The following ERCC2 variants were observed in gnomAD, a reference collection of about 807,000 sequenced individuals.
ERCC2 encodes general transcription and DNA repair factor IIH helicase subunit XPD.
A neutral mutation model predicts 99.4 loss-of-function variants in ERCC2; 90 were observed. That is an observed-to-expected ratio of 0.91 (90% CI 0.76 to 1.08). ERCC2 has a LOEUF of 1.08. Ranked by LOEUF, ERCC2 falls within the 50% of genes least tolerant of loss-of-function variation. The probability of loss-of-function intolerance (pLI) is 0.00; values close to 1 mark genes in which losing one functional copy is unlikely to be tolerated. For missense variants in ERCC2, 993 were observed against 1,038.1 expected (o/e 0.96, Z 0.60); for synonymous variants, 497 against 432.4 (o/e 1.15, Z -1.85).
At chr19:45,354,679 A>T in intron 17 of ERCC2, 51 bp downstream of exon 17, 1 of 1,609,772 alleles carries the variant, frequency 6.2e-7, no homozygotes. Flanking sequence ...ATAGCGGTGC[A>T]GTGCCAGGGA....
chr19:45,362,098 G>A (rs1972244740), intron 11 of ERCC2, among the ~76,000 whole-genome samples: 3 of 151,996 alleles, frequency 2.0e-5, no homozygotes, highest in South Asian at 4.1e-4. Context: ...GCTAATTTTT[G>A]TACTTTTAGT....
chr19:45,369,030 C>A (rs755415605), intron 3 of ERCC2, 38 bp from the exon 4 acceptor site: 1 of 1,614,050 alleles, frequency 6.2e-7, no homozygotes, highest in South Asian at 1.1e-5. Context: ...TGTCCCGCCC[C>A]TTCCTTTGTC....
intron 12 of ERCC2, among the ~76,000 whole-genome samples, chr19:45,359,244 T>C (rs893050716): frequency 1.3e-5 from 2 of 152,008 alleles, no homozygotes; most frequent in Non-Finnish European, 2.9e-5. Context: ...GGAAGGATGA[T>C]CCAGGTGAAA....
rs746621981 is a variant in ERCC2, at chr19:45,365,145, C to T, written c.374G>A (p.Arg125His). 1.7e-5 allele frequency: 28 copies of T among 1,614,002 alleles called. No homozygotes were observed. The highest frequency in any genetic ancestry group is 1.9e-5 in the Non-Finnish European group (23 of 1,179,980). ...TTTCCCATCGACGTCCTTCCCAAAG[C>T]GCAGGGGTGTCACCTGGGGGTGTGG... ...LCIHPEVTPL[R>H]FGKDVDGKCH... The change falls in exon 6 of 23, where the codon CGC (arginine) becomes CAC (histidine). Residue 125 changes from arginine (R) to histidine (H), a missense_variant. Transcript: ENST00000391945.
At position 45,357,281 on chromosome 19, in the gene ERCC2, G is replaced by A; in HGVS notation, c.1468C>T (p.Leu490Phe). 1 of 1,613,502 alleles carries A rather than the reference G, an allele frequency of 6.2e-7. No homozygotes were observed. The highest frequency in any genetic ancestry group is 1.7e-4 in the Middle Eastern group (1 of 6,036). Reference sequence around the variant, plus strand: ...CCTCTCCCACTCACCATAGGGCAGAGGCAGACCCGTGCCAGCGTCATGGTG... The same window carrying A: ...CCTCTCCCACTCACCATAGGGCAGAAGCAGACCCGTGCCAGCGTCATGGTG... ...TFTMTLARVC[L>F]CPMIIGRGND... The change falls in exon 15 of 23, where the codon CTC becomes TTC. Residue 490 changes from leucine (L) to phenylalanine (F), a missense_variant. Transcript: ENST00000391945.
At chr19:45,367,475 A>G (rs1044624792) in intron 5 of ERCC2, among the ~76,000 whole-genome samples, 9 of 151,996 alleles carry the variant, frequency 5.9e-5, no homozygotes, top group African/African-American at 2.2e-4. Flanking sequence ...GTGGGTTACC[A>G]CATGTAAAGT....
Position 45,350,379 on chromosome 19 carries a change from G to T in ERCC2, c.*1250C>A. On this transcript the variant is annotated 3_prime_UTR_variant, in exon 23 of 23. Transcript: ENST00000391945. ...TGAAACAGAACAAGTATCAACAAGC[G>T]GAAGAGCTGTACAAAGAAATCCTCC... 1 of 1,613,670 alleles carries T rather than the reference G, an allele frequency of 6.2e-7. No homozygotes were observed. The highest frequency in any genetic ancestry group is 8.5e-7 in the Non-Finnish European group (1 of 1,179,914).
Position 45,351,012 on chromosome 19 carries a change from A to G in ERCC2, c.*617T>C. The G allele has an allele frequency of 6.2e-7, 1 of 1,614,058 alleles. No homozygotes were observed. Among genetic ancestry groups the G allele is most frequent in the Non-Finnish European group, 8.5e-7 (1 of 1,179,998 alleles). Reference sequence around the variant, plus strand: ...CGTGGATGCTCCAAGGGCTCCTGGGACTCAGGTGAGGGGGACATCTGGGTC... The same window carrying G: ...CGTGGATGCTCCAAGGGCTCCTGGGGCTCAGGTGAGGGGGACATCTGGGTC... On this transcript the variant is annotated 3_prime_UTR_variant, in exon 23 of 23. Transcript: ENST00000391945.
Position 45,370,179 on chromosome 19 carries a change from T to A in ERCC2, c.59A>T (p.Glu20Val). The change falls in exon 2 of 23, where the codon GAG (glutamate) becomes GTG (valine). Residue 20 changes from glutamate (E) to valine (V), a missense_variant. Physicochemically the swap from Glu to Val is moderately radical, Grantham distance 121 (BLOSUM62 -2). Around this residue, in one of 3 missense-constraint regions of ERCC2, gnomAD observed 55 missense variants for 45.1 expected, o/e 1.22. Transcript: ENST00000391945. ...GAGCTCCCGCATGTAGGAGAACTGC[T>A]CGGGGTAGATGTAGTCGTACGGGAA... ...VYFPYDYIYP[E>V]QFSYMRELKR... 3 of 1,613,436 alleles carry A rather than the reference T, an allele frequency of 1.9e-6. No homozygotes were observed. The highest frequency in any genetic ancestry group is 2.5e-6 in the Non-Finnish European group (3 of 1,179,516).
intron 12 of ERCC2, chr19:45,358,853 TG>T (rs777500918): frequency 1.9e-4 from 150 of 780,934 alleles, no homozygotes; most frequent in Middle Eastern, 9.0e-4. Flanking sequence ...ATATAAGTTC[TG>T]GGGGGTTAGG....
chr19:45,357,528 C>T lies in ERCC2; in HGVS notation c.1323G>A (p.Ser441=), dbSNP rs147850061. 6.4e-5 allele frequency: 103 copies of T among 1,614,136 alleles called. No individual in the cohort carries two copies. The Admixed American group carries it at 9.8e-4, about 15-fold the overall frequency. The change falls in exon 14 of 23, where the codon TCG becomes TCA. Residue 441 remains serine (S), a synonymous_variant. Coordinates refer to ENST00000391945, the MANE Select transcript of ERCC2 (RefSeq NM_000400.4). Reference sequence around the variant, plus strand: ...GCTCAAATACGGGTTTGATGGCCAGCGAGGCGTCCATGCAGCTGGAGAGAG... The same window carrying T: ...GCTCAAATACGGGTTTGATGGCCAGTGAGGCGTCCATGCAGCTGGAGAGAG... The part of the protein sequence containing the change: ...PILHFSCMDA[S]LAIKPVFERF...
At chr19:45,353,874 T>G (rs1197490682) in intron 17 of ERCC2, among the ~76,000 whole-genome samples, 1 of 152,170 alleles carries the variant, frequency 6.6e-6, no homozygotes, top group East Asian at 1.9e-4. Flanking sequence ...TAGACCTGGA[T>G]GTGAAAGCTA....
chr19:45,363,684 C>A, intron 11 of ERCC2, 59 bp downstream of exon 11: 1 of 1,494,510 alleles, frequency 6.7e-7, no homozygotes, highest in Non-Finnish European at 8.9e-7. Context: ...GTGGAGGACA[C>A]GGCTCTGCAT....
At chr19:45,358,858 G>C in intron 12 of ERCC2, 1 of 780,856 alleles carries the variant, frequency 1.3e-6, no homozygotes. Context: ...AGTTCTGGGG[G>C]GTTAGGGATG....
intron 12 of ERCC2, among the ~76,000 whole-genome samples, chr19:45,360,400 C>A (rs1356643035): frequency 1.6e-5 from 2 of 128,214 alleles, no homozygotes; most frequent in African/African-American, 3.1e-5. Context: ...TTTTTTGAGA[C>A]GAAGTCTTGC....
chr19:45,361,443 G>A (rs1972215120), intron 12 of ERCC2, 81 bp downstream of exon 12: 3 of 1,032,820 alleles, frequency 2.9e-6, no homozygotes, highest in South Asian at 1.3e-5. Context: ...TGTGTGTCCT[G>A]CCAACAACCC....
At chr19:45,359,015 C>G (rs979423035) in intron 12 of ERCC2, 1 of 635,944 alleles carries the variant, frequency 1.6e-6, no homozygotes, top group Non-Finnish European at 2.8e-6. Context: ...GGTGACCAAG[C>G]CAGCCTTGCC....
chr19:45,368,988 T>C lies in ERCC2; in HGVS notation c.188A>G (p.Tyr63Cys), dbSNP rs373448214. The change falls in exon 4 of 23, where the codon TAT (tyrosine) becomes TGT (cysteine). Residue 63 changes from tyrosine to cysteine, a missense_variant. Coordinates refer to ENST00000391945, the MANE Select transcript of ERCC2 (RefSeq NM_000400.4). ...LALIMAYQRA[Y>C]PLEVTKLIYC... is the part of the protein sequence containing the mutation. ...GATGAGTTTGGTCACCTCCAGCGGA[T>C]ATGCCTGCCGATAACAAGCGGACTC... is the stretch of plus-strand genomic sequence containing the variant. 4.3e-6 allele frequency: 7 copies of C among 1,614,112 alleles called. No homozygotes were observed. The African/African-American group carries it at 5.3e-5, about 12-fold the overall frequency.
In ERCC2 at chr19:45,351,379, C is replaced by G. The variant is rs373169640; in HGVS notation, c.*250G>C. 1 of 1,607,938 alleles carries G rather than the reference C, an allele frequency of 6.2e-7. No individual in the cohort carries two copies. Among genetic ancestry groups the G allele is most frequent in the African/African-American group, 1.3e-5 (1 of 75,022 alleles). On this transcript the variant is annotated 3_prime_UTR_variant, in exon 23 of 23. Transcript: ENST00000391945. ...CTAACGTCCAGTGAACTGCGCTGGC[C>G]GCAGCTTCTTGGGAACAGTGCAGGA...
Sources: gnomAD v4.1 joint callset for allele counts (sites outside exome capture counted in the v4.1 genomes callset) on GRCh38, gnomAD v4.1.1 for gene constraint, gnomAD v4.1.1 regional missense constraint, MANE v1.5 for transcripts, NCBI Gene and HGNC (gene_info 2026-07-23, HGNC 2026-07-21) for gene names.